The following SLA variants were observed in gnomAD, a reference collection of about 807,000 sequenced individuals.
SLA encodes the protein src-like-adapter.
SLA carries 16 observed loss-of-function variants against 30.3 expected under a neutral mutation model. The observed-to-expected ratio is 0.53, with a 90% CI of 0.36 to 0.80. The LOEUF is 0.80. SLA is among the 30% of genes least tolerant of loss of function. The pLI is 0.01. For synonymous variants in SLA, 143 were observed against 137.8 expected (o/e 1.04, Z -0.26); for missense variants, 310 against 345.2 (o/e 0.90, Z 0.81).
At chr8:133,059,300 C>G in intron 3 of SLA, 1 of 365,320 alleles carries the variant, frequency 2.7e-6, no homozygotes, top group Non-Finnish European at 5.4e-6. Context: ...CCCAAGACCC[C>G]ACAATATGAG....
chr8:133,040,278 G>T, intron 7 of SLA, 148 bp from the exon 8 acceptor site: 1 of 831,882 alleles, frequency 1.2e-6, no homozygotes, highest in Non-Finnish European at 1.8e-6. Flanking sequence ...GGTAGGTGGT[G>T]ACAATGCTGA....
intron 2 of SLA, among the ~76,000 whole-genome samples, chr8:133,066,787 G>A (rs1423371859): frequency 1.3e-5 from 2 of 152,318 alleles, no homozygotes; most frequent in Admixed American, 6.5e-5. Flanking sequence ...GTTGTTTTGA[G>A]GTTGAAATTA....
intron 1 of SLA, among the ~76,000 whole-genome samples, chr8:133,092,789 T>G (rs1458479161): frequency 6.6e-6 from 1 of 152,192 alleles, no homozygotes; most frequent in Non-Finnish European, 1.5e-5. Context: ...TGCTTTAAAA[T>G]GAAGGCTGAG....
At chr8:133,085,734 A>G (rs1305334840) in intron 1 of SLA, among the ~76,000 whole-genome samples, 1 of 152,262 alleles carries the variant, frequency 6.6e-6, no homozygotes, top group African/African-American at 2.4e-5. Flanking sequence ...ATTACTGAAG[A>G]TATGAAGAAG....
At chr8:133,067,634 G>C (rs139292268) in intron 2 of SLA, among the ~76,000 whole-genome samples, 2 of 152,178 alleles carry the variant, frequency 1.3e-5, no homozygotes, top group African/African-American at 4.8e-5. Context: ...AAATTAGCTG[G>C]GTGTGGTGGC....
At chr8:133,045,879 A>G (rs566644137) in intron 6 of SLA, among the ~76,000 whole-genome samples, 167 of 152,216 alleles carry the variant, frequency 1.1e-3, no homozygotes, top group Admixed American at 2.3e-3. Context: ...TGTCCCACCA[A>G]TGCTGCCACA....
chr8:133,073,181 T>G (rs1202614635), intron 2 of SLA: 2 of 152,240 alleles, frequency 1.3e-5, no homozygotes, highest in Non-Finnish European at 2.9e-5. Flanking sequence ...CCCAGAATGT[T>G]GACACAGGTG....
chr8:133,044,187 C>T (rs1461285099), intron 7 of SLA, among the ~76,000 whole-genome samples: 2 of 152,194 alleles, frequency 1.3e-5, no homozygotes, highest in East Asian at 1.9e-4. Context: ...TAGCATTTAG[C>T]CAACCGTTCA....
chr8:133,087,756 G>T (rs530659190), intron 1 of SLA: 1 of 152,162 alleles, frequency 6.6e-6, no homozygotes. Context: ...GATCAAGTCA[G>T]ACTATTCAAA....
intron 2 of SLA, among the ~76,000 whole-genome samples, chr8:133,060,660 C>A (rs2131331597): frequency 6.6e-6 from 1 of 152,300 alleles, no homozygotes; most frequent in African/African-American, 2.4e-5. Flanking sequence ...TACTTTTTGT[C>A]ATCCTTTTGA....
At position 133,039,955 on chromosome 8, in the gene SLA, A is replaced by ACG. The variant is rs1407063310; in HGVS notation, c.617+42_617+43insCG. On this transcript the variant is annotated intron_variant, in intron 8 of 8. Transcript: ENST00000338087. Reference sequence around the variant, plus strand: ...ACATGTTCACAGAGCACTTGCATGCACACACACACACACACACACACACAT... The same window carrying ACG: ...ACATGTTCACAGAGCACTTGCATGCACGCACACACACACACACACACACACAT... The ACG allele has an allele frequency of 6.6e-6, 6 of 915,516 alleles. No homozygotes were observed. The African/African-American group carries it at 7.6e-5, about 12-fold the overall frequency. 56.7% of individuals were successfully genotyped at this position (915,516 alleles called of 1,614,324 possible).
At position 133,094,828 on chromosome 8, in the gene SLA, A is replaced by G. The variant is rs569074278; in HGVS notation, c.-319+7725T>C. ...AGCACCCTCACTTCACAGGTTAGGA[A>G]ACTGAGGCCTAGAGAGACATCTTCA... is the stretch of plus-strand genomic sequence containing the variant. On this transcript the variant is annotated intron_variant, in intron 1 of 8. Coordinates refer to ENST00000338087, the MANE Select transcript of SLA (RefSeq NM_001045556.3). 4 of 648,494 alleles carry G rather than the reference A, an allele frequency of 6.2e-6. No individual in the cohort carries two copies. In the East Asian group the frequency reaches 8.4e-5, roughly 14 times the overall value. 40.2% of individuals were successfully genotyped at this position (648,494 alleles called of 1,614,324 possible). A position where few individuals can be genotyped will look rare whatever the true frequency, so the allele number is the denominator to read the frequency against.
intron 8 of SLA, among the ~76,000 whole-genome samples, chr8:133,039,422 T>C (rs1189068774): frequency 2.0e-5 from 3 of 152,230 alleles, no homozygotes; most frequent in Non-Finnish European, 2.9e-5. Context: ...CGCATAATTT[T>C]GATCCTGATT....
intron 1 of SLA, among the ~76,000 whole-genome samples, chr8:133,100,070 C>T (rs1211516641): frequency 6.6e-6 from 1 of 152,210 alleles, no homozygotes; most frequent in Non-Finnish European, 1.5e-5. Context: ...TTGATGTGAC[C>T]TCTGTTAGCT....
intron 3 of SLA, among the ~76,000 whole-genome samples, chr8:133,055,972 A>G (rs1300231421): frequency 2.0e-5 from 3 of 151,924 alleles, no homozygotes; most frequent in Non-Finnish European, 2.9e-5. Context: ...GATTGAAACT[A>G]CCTTATTTTG....
chr8:133,049,638 C>G (rs1564117356), intron 5 of SLA: 1 of 457,040 alleles, frequency 2.2e-6, no homozygotes, highest in Non-Finnish European at 4.0e-6. Flanking sequence ...CAGCTGTTTA[C>G]CACTCTGTGC....
intron 6 of SLA, among the ~76,000 whole-genome samples, chr8:133,046,747 T>C (rs1839487264): frequency 6.6e-6 from 1 of 151,728 alleles, no homozygotes; most frequent in South Asian, 2.1e-4. Context: ...TGCTTTTGCA[T>C]TGATCTTTCT....
At chr8:133,048,160 C>A (rs1194315975) in intron 5 of SLA, among the ~76,000 whole-genome samples, 1 of 152,164 alleles carries the variant, frequency 6.6e-6, no homozygotes, top group Non-Finnish European at 1.5e-5. Flanking sequence ...AATTAGAATG[C>A]ATTTTTCTGG....
At chr8:133,093,617 C>T (rs1847932799) in intron 1 of SLA, among the ~76,000 whole-genome samples, 1 of 152,194 alleles carries the variant, frequency 6.6e-6, no homozygotes, top group Non-Finnish European at 1.5e-5. Context: ...TCCCCCAATT[C>T]CATGCACTTG....
Sources: gnomAD v4.1 joint callset for allele counts (sites outside exome capture counted in the v4.1 genomes callset) on GRCh38, gnomAD v4.1.1 for gene constraint, MANE v1.5 for transcripts, NCBI Gene and HGNC (gene_info 2026-07-23, HGNC 2026-07-21) for gene names.